Variants in CREB5 observed in about 807,000 individuals in gnomAD.
CREB5 encodes cyclic AMP-responsive element-binding protein 5.
A neutral mutation model predicts 57.1 loss-of-function variants in CREB5; 19 were observed. The observed-to-expected ratio is 0.33, with a 90% CI of 0.23 to 0.49. The LOEUF is 0.49. Among genes scored for constraint, CREB5 ranks in the 20% least tolerant of loss-of-function variants. The pLI is 0.99. For synonymous variants in CREB5, 238 were observed against 238.3 expected (o/e 1.00, Z 0.01); for missense variants, 579 against 671.6 (o/e 0.86, Z 1.52).
intron 1 of CREB5, among the ~76,000 whole-genome samples, chr7:28,352,716 A>G (rs575364243): frequency 2.0e-5 from 3 of 152,324 alleles, no homozygotes; most frequent in African/African-American, 7.2e-5. Flanking sequence ...TAGTAGGAAG[A>G]CTTTTGCAGA....
At chr7:28,696,879 T>C (rs917192095) in intron 5 of CREB5, among the ~76,000 whole-genome samples, 4 of 151,898 alleles carry the variant, frequency 2.6e-5, no homozygotes, top group African/African-American at 9.7e-5. Flanking sequence ...TAATGTGTAA[T>C]GTATATACAC....
chr7:28,306,595 C>G (rs921931631), intron 1 of CREB5, among the ~76,000 whole-genome samples: 107 of 113,146 alleles, frequency 9.5e-4, no homozygotes, highest in Middle Eastern at 0.01. Flanking sequence ...GAGTCTCGCT[C>G]TGTCGCCCAG....
intron 4 of CREB5, among the ~76,000 whole-genome samples, chr7:28,511,639 C>T (rs193090076): frequency 1.6e-4 from 24 of 152,268 alleles, no homozygotes; most frequent in Admixed American, 1.4e-3. Flanking sequence ...TACCCACCAC[C>T]ATGCCCGGCT....
At chr7:28,580,462 C>CACACACACACAA (rs1796077548) in intron 5 of CREB5, among the ~76,000 whole-genome samples, 1 of 146,930 alleles carries the variant, frequency 6.8e-6, no homozygotes, top group Non-Finnish European at 1.5e-5. Context: ...CACACACACA[C>CACACACACACAA]AATAGATAGC....
chr7:28,589,570 A>T (rs546551641), intron 5 of CREB5, among the ~76,000 whole-genome samples: 1 of 152,278 alleles, frequency 6.6e-6, no homozygotes, highest in African/African-American at 2.4e-5. Flanking sequence ...AAAAACAAAA[A>T]GAAAAAGAAA....
intron 1 of CREB5, among the ~76,000 whole-genome samples, chr7:28,370,697 G>T (rs1167347947): frequency 1.3e-5 from 2 of 152,124 alleles, no homozygotes; most frequent in African/African-American, 2.4e-5. Flanking sequence ...GAACACATAC[G>T]CACTGTAGCT....
chr7:28,771,233 T>C (rs1290808595), intron 7 of CREB5, among the ~76,000 whole-genome samples: 1 of 152,190 alleles, frequency 6.6e-6, no homozygotes, highest in Non-Finnish European at 1.5e-5. Context: ...CCAGTGGTTC[T>C]GTAAGCAGAG....
chr7:28,372,514 C>A (rs978175731), intron 1 of CREB5, among the ~76,000 whole-genome samples: 25 of 152,230 alleles, frequency 1.6e-4, no homozygotes, highest in African/African-American at 5.5e-4. Context: ...ACATTACAAT[C>A]GTATTATTTG....
intron 1 of CREB5, among the ~76,000 whole-genome samples, chr7:28,445,632 A>C (rs981981074): frequency 5.9e-4 from 89 of 151,522 alleles, no homozygotes; most frequent in Non-Finnish European, 1.1e-3. Context: ...GCTCACTGCA[A>C]GCTCCGCCTC....
chr7:28,767,546 CAG>C (rs1806071909), intron 7 of CREB5, among the ~76,000 whole-genome samples: 1 of 152,158 alleles, frequency 6.6e-6, no homozygotes, highest in South Asian at 2.1e-4. Context: ...CCTAAAGACT[CAG>C]AGTTTCCAAG....
At chr7:28,607,720 C>A (rs1797195425) in intron 5 of CREB5, among the ~76,000 whole-genome samples, 1 of 149,816 alleles carries the variant, frequency 6.7e-6, no homozygotes, top group Admixed American at 6.7e-5. Context: ...CAAAATAAGA[C>A]CAGTGCCCAC....
At chr7:28,601,462 G>A (rs1796918156) in intron 5 of CREB5, among the ~76,000 whole-genome samples, 2 of 152,130 alleles carry the variant, frequency 1.3e-5, no homozygotes, top group African/African-American at 4.8e-5. Context: ...ACCATCTGCT[G>A]GATGTAGGCA....
chr7:28,468,677 G>A (rs1254745606), intron 1 of CREB5, among the ~76,000 whole-genome samples: 1 of 152,172 alleles, frequency 6.6e-6, no homozygotes. Context: ...TCACTTTCAC[G>A]GAGATGTGTA....
At chr7:28,528,709 A>AGG (rs1583581901) in intron 4 of CREB5, among the ~76,000 whole-genome samples, 1 of 122,392 alleles carries the variant, frequency 8.2e-6, no homozygotes, top group Admixed American at 7.6e-5. Flanking sequence ...CATCTCAAAA[A>AGG]AAAAAAAAAA....
At chr7:28,628,307 T>C (rs1167778148) in intron 5 of CREB5, among the ~76,000 whole-genome samples, 1 of 152,092 alleles carries the variant, frequency 6.6e-6, no homozygotes, top group Non-Finnish European at 1.5e-5. Context: ...TCTGTTTGTT[T>C]ACTGAAACCT....
At chr7:28,738,835 A>T (rs905702062) in intron 7 of CREB5, among the ~76,000 whole-genome samples, 2 of 152,184 alleles carry the variant, frequency 1.3e-5, no homozygotes, top group Admixed American at 6.5e-5. Flanking sequence ...TAGATTTCTT[A>T]TATATTAAAA....
chr7:28,498,163 C>T (rs888814318), intron 3 of CREB5, among the ~76,000 whole-genome samples: 1 of 152,204 alleles, frequency 6.6e-6, no homozygotes, highest in East Asian at 1.9e-4. Flanking sequence ...TTTACCTTAT[C>T]ATATTTTGTG....
chr7:28,465,938 G>A (rs1358875189), intron 1 of CREB5, among the ~76,000 whole-genome samples: 10 of 152,150 alleles, frequency 6.6e-5, no homozygotes, highest in Admixed American at 6.5e-4. Context: ...TTGCCTCTCT[G>A]CAATGTAGCA....
At chr7:28,437,129 T>G (rs1554320598) in intron 1 of CREB5, among the ~76,000 whole-genome samples, 2 of 152,158 alleles carry the variant, frequency 1.3e-5, no homozygotes, top group Non-Finnish European at 2.9e-5. Flanking sequence ...GATGAGCACC[T>G]GTTAAGGGCC....
Sources: allele counts gnomAD v4.1 joint callset (sites outside exome capture counted in the v4.1 genomes callset), GRCh38; gene constraint gnomAD v4.1.1; transcripts MANE v1.5; gene names NCBI Gene and HGNC (gene_info 2026-07-23, HGNC 2026-07-21).